Variants in ACTL8 observed in about 807,000 individuals in gnomAD.
ACTL8 encodes actin like 8.
Under a neutral mutation model 9.3 loss-of-function variants are expected in ACTL8, and 3 were observed. The ratio of observed to expected loss-of-function variants is 0.32; its 90% CI spans 0.15 to 0.83. The LOEUF (loss-of-function observed/expected upper bound fraction) is 0.83. ACTL8 is among the 40% of genes least tolerant of loss of function. The pLI is 0.57. For missense variants in ACTL8, 381 were observed against 492.2 expected (o/e 0.77, Z 2.14); for synonymous variants, 224 against 205.9 (o/e 1.09, Z -0.75).
chr1:17,825,537 G>A (rs1050633506), intron 2 of ACTL8, among the ~76,000 whole-genome samples: 12 of 152,304 alleles, frequency 7.9e-5, no homozygotes, highest in Non-Finnish European at 1.6e-4. Context: ...TCACCGAAGT[G>A]GTCTTCTGAA....
At chr1:17,825,157 A>G (rs1398158052) in intron 2 of ACTL8, among the ~76,000 whole-genome samples, 1 of 152,034 alleles carries the variant, frequency 6.6e-6, no homozygotes, top group African/African-American at 2.4e-5. Flanking sequence ...AACCCTAAAT[A>G]CCAGAATTCC....
At chr1:17,813,647 T>TA (rs1314388309) in intron 1 of ACTL8, among the ~76,000 whole-genome samples, 2 of 152,188 alleles carry the variant, frequency 1.3e-5, no homozygotes, top group Non-Finnish European at 2.9e-5. Context: ...TGAGTTGGGG[T>TA]GTGTTGCCTC....
At chr1:17,779,934 C>CAGT (rs1397807431) in intron 1 of ACTL8, among the ~76,000 whole-genome samples, 1 of 152,142 alleles carries the variant, frequency 6.6e-6, no homozygotes, top group Admixed American at 6.5e-5. Flanking sequence ...TGGCTGGGTG[C>CAGT]AGTGGCTCAT....
chr1:17,803,985 C>T lies in ACTL8; in HGVS notation c.-24-19000C>T, dbSNP rs970817726. Among the ~76,000 whole-genome samples the T allele has an allele frequency of 2.0e-5, 3 of 152,182 alleles. No homozygotes were observed. In the South Asian group the frequency reaches 6.2e-4, roughly 32 times the overall value. On this transcript the variant is annotated intron_variant, in intron 1 of 2. Coordinates refer to ENST00000375406, the MANE Select transcript of ACTL8 (RefSeq NM_030812.3). Reference sequence around the variant, plus strand: ...GGTCCTCATATGGCCTAAGTGACATCACATACGAACCCTAAGAATTCTGTC... The same window carrying T: ...GGTCCTCATATGGCCTAAGTGACATTACATACGAACCCTAAGAATTCTGTC...
intron 1 of ACTL8, among the ~76,000 whole-genome samples, chr1:17,816,125 C>T (rs540352752): frequency 2.6e-4 from 39 of 151,862 alleles, no homozygotes; most frequent in African/African-American, 8.5e-4. Context: ...TTACTGTCAG[C>T]GAATTTGAAA....
At chr1:17,780,403 C>T (rs2066146290) in intron 1 of ACTL8, among the ~76,000 whole-genome samples, 2 of 152,122 alleles carry the variant, frequency 1.3e-5, no homozygotes, top group Non-Finnish European at 2.9e-5. Flanking sequence ...CTAGTTCTCC[C>T]ACAGTCCAGG....
chr1:17,768,272 G>A lies in ACTL8; in HGVS notation c.-25+12768G>A, dbSNP rs539174861. Among the ~76,000 whole-genome samples the A allele has an allele frequency of 2.4e-4, 21 of 86,082 alleles. No homozygotes were observed. The East Asian group carries it at 7.6e-3, about 31-fold the overall frequency. The allele number at this position is 86,082 out of a possible 152,430, so 56.5% of individuals were successfully genotyped here. ...TGGCTCCAGCCAGCTTGAGAATTTT[G>A]CAAGACTGGAAATCCATGTACCCAG... On this transcript the variant is annotated intron_variant, in intron 1 of 2. Transcript: ENST00000375406.
Position 17,826,679 on chromosome 1 carries a change from T to G in ACTL8, c.*160T>G. The stretch of plus-strand genomic sequence containing the variant: ...GTATTTTTTAGGTTCTAAGGTTTTA[T>G]CTTGTTGCAAGAGTGGGACCTACCC... On this transcript the variant is annotated 3_prime_UTR_variant, in exon 3 of 3. Transcript: ENST00000375406. The surrounding 1 kb of genome is among the most constrained non-coding windows in gnomAD (Gnocchi z 4.5). 1 of 706,614 alleles carries G rather than the reference T, an allele frequency of 1.4e-6. No homozygotes were observed. The highest frequency in any genetic ancestry group is 2.1e-6 in the Non-Finnish European group (1 of 471,918). The allele number at this position is 706,614 out of a possible 1,614,324, so 43.8% of individuals were successfully genotyped here. A position where few individuals can be genotyped will look rare whatever the true frequency, so the allele number is the denominator to read the frequency against.
At chr1:17,814,595 T>C (rs2066413281) in intron 1 of ACTL8, among the ~76,000 whole-genome samples, 1 of 151,864 alleles carries the variant, frequency 6.6e-6, no homozygotes, top group South Asian at 2.1e-4. Flanking sequence ...TTCAGTAGAA[T>C]AACACGCAGT....
chr1:17,785,212 C>T (rs572603004), intron 1 of ACTL8, among the ~76,000 whole-genome samples: 10 of 152,312 alleles, frequency 6.6e-5, no homozygotes, highest in African/African-American at 2.4e-4. Context: ...TGTTGGGCTA[C>T]TTACTAGTTG....
intron 1 of ACTL8, among the ~76,000 whole-genome samples, chr1:17,770,706 T>A (rs1314698529): frequency 6.6e-6 from 1 of 152,156 alleles, no homozygotes; most frequent in Non-Finnish European, 1.5e-5. Flanking sequence ...GAGACAGTAG[T>A]GGCAGAAGAG....
intron 1 of ACTL8, 104 bp from the exon 2 acceptor site, chr1:17,822,881 C>T: frequency 1.3e-6 from 1 of 742,988 alleles, no homozygotes. Context: ...GGGCAGTGGA[C>T]AAGCTTCAGG....
chr1:17,794,544 G>A (rs991700537), intron 1 of ACTL8, among the ~76,000 whole-genome samples: 1 of 152,172 alleles, frequency 6.6e-6, no homozygotes, highest in African/African-American at 2.4e-5. Context: ...AATTGATTGT[G>A]TTTTCCTCTT....
Position 17,826,035 on chromosome 1 carries a change from T to G in ACTL8, c.617T>G (p.Val206Gly), listed in dbSNP as rs142430342. The G allele has an allele frequency of 9.0e-4, 1,448 of 1,606,394 alleles. No homozygotes were observed. The highest frequency in any genetic ancestry group is 1.1e-3 in the Non-Finnish European group (1,351 of 1,179,988). The part of the protein sequence containing the change: ...RCLFQLETVA[V>G]TQMNKCYVPQ... ...CTGTTTCAGCTGGAGACAGTCGCCG[T>G]GACTCAGATGAACAAGTGCTACGTG... The change falls in exon 3 of 3, where the codon GTG becomes GGG. Residue 206 changes from valine to glycine, a missense_variant. Val to Gly is a moderately radical substitution (Grantham distance 109). Transcript: ENST00000375406. The surrounding 1 kb of genome is among the most constrained non-coding windows in gnomAD (Gnocchi z 4.5).
At chr1:17,797,138 G>C (rs541165578) in intron 1 of ACTL8, among the ~76,000 whole-genome samples, 4 of 151,982 alleles carry the variant, frequency 2.6e-5, no homozygotes, top group Non-Finnish European at 5.9e-5. Context: ...AAACCCACCA[G>C]GGTTGGGATC....
Position 17,825,946 on chromosome 1 carries a change from C to A in ACTL8, c.528C>A (p.Ala176=), listed in dbSNP as rs202239372. The A allele has an allele frequency of 6.2e-7, 1 of 1,611,098 alleles. No homozygotes were observed. Among genetic ancestry groups the A allele is most frequent in the South Asian group, 1.1e-5 (1 of 91,090 alleles). ...LPASGKTLEF[A]GQDLSAYLLK... The stretch of plus-strand genomic sequence containing the variant: ...CCAGCGGCAAGACGCTGGAGTTCGC[C>A]GGCCAGGATCTCTCCGCCTATCTCC... Residue 176 remains alanine (A), a synonymous_variant, in exon 3 of 3, where the codon GCC becomes GCA. Coordinates refer to ENST00000375406, the MANE Select transcript of ACTL8 (RefSeq NM_030812.3).
rs751796228 is a variant in ACTL8 at position 17,826,176 on chromosome 1, G to A, written c.758G>A (p.Arg253Gln). Residue 253 changes from arginine (R) to glutamine (Q), a missense_variant, in exon 3 of 3, where the codon CGG (arginine) becomes CAG (glutamine). Transcript: ENST00000375406. This position sits in a 1 kb window ranked among gnomAD's most constrained non-coding sequence, Gnocchi z 4.5. ...CGCGTGGAGCTGACCCCCATGCAGC[G>A]GGTGGCTCCTGAGATGTTCTTTAGC... ...GSRVELTPMQ[R>Q]VAPEMFFSPQ... 51 of 1,613,038 alleles carry A rather than the reference G, an allele frequency of 3.2e-5. No individual in the cohort carries two copies. The East Asian group carries it at 6.5e-4, about 20-fold the overall frequency.
At chr1:17,822,907 G>T (rs899257925) in intron 1 of ACTL8, 78 bp from the exon 2 acceptor site, 48 of 960,448 alleles carry the variant, frequency 5.0e-5, no homozygotes, top group African/African-American at 6.5e-5. Flanking sequence ...CCTGAGGTTT[G>T]ACTGTTGGGT....
chr1:17,825,115 A>AGGG (rs1464431209), intron 2 of ACTL8, among the ~76,000 whole-genome samples: 2 of 120,270 alleles, frequency 1.7e-5, no homozygotes, highest in African/African-American at 6.2e-5. Context: ...GGTGAGGAGC[A>AGGG]GGGGGAGAAA....
Sources: allele counts gnomAD v4.1 joint callset (sites outside exome capture counted in the v4.1 genomes callset), GRCh38; gene constraint gnomAD v4.1.1; non-coding constraint Gnocchi (gnomAD v3.1); transcripts MANE v1.5; gene names NCBI Gene and HGNC (gene_info 2026-07-23, HGNC 2026-07-21).